Variants in CD36 observed in about 807,000 individuals in gnomAD.
CD36 encodes CD36 molecule (CD36 blood group).
In CD36, 119 loss-of-function variants were observed where a neutral mutation model predicts 55.2. The observed-to-expected ratio is 2.15, with a 90% CI of 1.86 to 2.51. The LOEUF (loss-of-function observed/expected upper bound fraction) is 2.51. Ranked by LOEUF, CD36 falls within the 30% of genes most tolerant of loss-of-function variation. The pLI, the probability that CD36 is intolerant of heterozygous loss-of-function variation, is 0.00. For missense variants in CD36, 819 were observed against 555.5 expected (o/e 1.47, Z -4.77); for synonymous variants, 186 against 193.6 (o/e 0.96, Z 0.33).
intron 12 of CD36, 163 bp downstream of exon 12, chr7:80,673,006 C>A: frequency 1.6e-6 from 1 of 633,518 alleles, no homozygotes; most frequent in Non-Finnish European, 2.9e-6. Flanking sequence ...TGACTAATTT[C>A]ACAGATTTTG....
intron 6 of CD36, 109 bp from the exon 7 acceptor site, chr7:80,664,297 C>T: frequency 2.8e-6 from 2 of 719,676 alleles, no homozygotes; most frequent in Non-Finnish European, 2.6e-6. Context: ...AGATGTATTT[C>T]AAGTCATTTG....
intron 6 of CD36, 128 bp from the exon 7 acceptor site, chr7:80,664,278 A>C: frequency 1.5e-6 from 1 of 650,506 alleles, no homozygotes; most frequent in South Asian, 1.7e-5. Context: ...ATTTAAAAAA[A>C]TGTATTGCAG....
chr7:80,661,631 T>G (rs1796537581), intron 5 of CD36, among the ~76,000 whole-genome samples: 1 of 152,148 alleles, frequency 6.6e-6, no homozygotes, highest in South Asian at 2.1e-4. Context: ...TTCCGAGCTT[T>G]CCAGACAGTG....
At chr7:80,652,215 A>G (rs182679639) in intron 3 of CD36, among the ~76,000 whole-genome samples, 2 of 152,308 alleles carry the variant, frequency 1.3e-5, no homozygotes, top group Admixed American at 6.5e-5. Context: ...ACAATGTTTC[A>G]AGAAATAGAC....
intron 14 of CD36, among the ~76,000 whole-genome samples, chr7:80,675,294 G>A (rs1798115103): frequency 6.6e-6 from 1 of 151,486 alleles, no homozygotes; most frequent in Non-Finnish European, 1.5e-5. Flanking sequence ...AAAGGTATTT[G>A]TATGACTATG....
Position 80,664,411 on chromosome 7 carries a change from C to CA in CD36, c.617dup (p.Asn206LysfsTer8), listed in dbSNP as rs1236702782. ...TTCCCATACATATATTTCAGTACAA[C>CA]AATACTGCAGATGGAGTTTATAAAG... On this transcript the variant is annotated frameshift_variant, in exon 7 of 15. Coordinates refer to ENST00000447544, the MANE Select transcript of CD36 (RefSeq NM_001001548.3). LOFTEE classifies it high-confidence loss of function. 1 of 1,531,552 alleles carries CA rather than the reference C, an allele frequency of 6.5e-7. No homozygotes were observed. The highest frequency in any genetic ancestry group is 1.7e-4 in the Middle Eastern group (1 of 5,850). The allele number at this position is 1,531,552 out of a possible 1,614,324, so 94.9% of individuals were successfully genotyped here.
At chr7:80,609,066 C>G (rs544345316) in intron 1 of CD36, among the ~76,000 whole-genome samples, 1 of 152,258 alleles carries the variant, frequency 6.6e-6, no homozygotes, top group East Asian at 1.9e-4. Flanking sequence ...CGCTCCTTCT[C>G]TAAAAATCCT....
chr7:80,668,166 G>C (rs901447698), intron 8 of CD36, among the ~76,000 whole-genome samples: 5 of 152,124 alleles, frequency 3.3e-5, no homozygotes, highest in Admixed American at 3.3e-4. Context: ...TGTATAAGCG[G>C]AATACTTAGT....
chr7:80,656,461 C>T (rs1796076220), intron 3 of CD36, 79 bp from the exon 4 acceptor site: 2 of 1,349,738 alleles, frequency 1.5e-6, no homozygotes, highest in East Asian at 2.4e-5. Flanking sequence ...TTCTGGCTGA[C>T]TCAAGGCTGC....
Position 80,677,245 on chromosome 7 carries a change from CT to C in CD36, c.*867del, listed in dbSNP as rs34744646. 8 of 152,060 alleles carry C rather than the reference CT, an allele frequency of 5.3e-5. No homozygotes were observed. Among genetic ancestry groups the C allele is most frequent in the African/African-American group, 1.9e-4 (8 of 41,418 alleles). The allele number at this position is 152,060 out of a possible 1,614,324, so 9.4% of individuals were successfully genotyped here. The stretch of plus-strand genomic sequence containing the variant: ...AGTAGGACAATTGCAAAGGTTTTTC[CT>C]TTTTCATAAGGAGACACATTAATAG... On this transcript the variant is annotated 3_prime_UTR_variant, in exon 15 of 15. Transcript: ENST00000447544.
At chr7:80,610,254 CTTATT>C (rs1792803354) in intron 1 of CD36, among the ~76,000 whole-genome samples, 2 of 152,128 alleles carry the variant, frequency 1.3e-5, no homozygotes, top group South Asian at 2.1e-4. Flanking sequence ...CATCATTACT[CTTATT>C]TTGAGTTTTC....
At chr7:80,625,984 G>A (rs151011782) in intron 1 of CD36, among the ~76,000 whole-genome samples, 366 of 152,166 alleles carry the variant, frequency 2.4e-3, no homozygotes, top group African/African-American at 8.4e-3. Flanking sequence ...ATCAATACAG[G>A]GGGGTATTTT....
chr7:80,645,919 C>A (rs1225883836), intron 1 of CD36, among the ~76,000 whole-genome samples, 169 bp from the exon 2 acceptor site: 1 of 152,060 alleles, frequency 6.6e-6, no homozygotes, highest in Non-Finnish European at 1.5e-5. Context: ...TTAAAAATTC[C>A]ATGTTTTAAA....
chr7:80,653,067 C>G (rs1206612481), intron 3 of CD36, among the ~76,000 whole-genome samples: 1 of 152,114 alleles, frequency 6.6e-6, no homozygotes, highest in African/African-American at 2.4e-5. Flanking sequence ...GCTCAAACTT[C>G]AATGATGATG....
At chr7:80,673,830 C>A in intron 13 of CD36, 153 bp from the exon 14 acceptor site, 1 of 680,458 alleles carries the variant, frequency 1.5e-6, no homozygotes, top group South Asian at 1.6e-5. Context: ...AATTGCCTTT[C>A]TTGACTTGCA....
At chr7:80,661,390 C>T (rs1252579017) in intron 5 of CD36, among the ~76,000 whole-genome samples, 180 bp downstream of exon 5, 1 of 152,152 alleles carries the variant, frequency 6.6e-6, no homozygotes, top group African/African-American at 2.4e-5. Flanking sequence ...TAAGAATCGA[C>T]TGCATTAGAA....
chr7:80,614,831 CG>C (rs1366231159), intron 1 of CD36, among the ~76,000 whole-genome samples: 1 of 152,098 alleles, frequency 6.6e-6, no homozygotes, highest in Non-Finnish European at 1.5e-5. Context: ...CTGTATTTGT[CG>C]CTTCAACGAA....
At chr7:80,610,878 T>A (rs2115767599) in intron 1 of CD36, among the ~76,000 whole-genome samples, 1 of 151,216 alleles carries the variant, frequency 6.6e-6, no homozygotes, top group East Asian at 2.0e-4. Context: ...CAGCCAGATT[T>A]TTTTATTTTT....
chr7:80,648,366 T>G (rs767645443), intron 3 of CD36, among the ~76,000 whole-genome samples: 2 of 152,176 alleles, frequency 1.3e-5, no homozygotes, highest in Non-Finnish European at 2.9e-5. Context: ...AATCTTCCAA[T>G]GCACAGCGAT....
Sources: gnomAD v4.1 joint callset for allele counts (sites outside exome capture counted in the v4.1 genomes callset) on GRCh38, gnomAD v4.1.1 for gene constraint, MANE v1.5 for transcripts, NCBI Gene and HGNC (gene_info 2026-07-23, HGNC 2026-07-21) for gene names.